Variants in FTCDNL1 observed in about 807,000 individuals in gnomAD.
FTCDNL1 encodes formiminotransferase cyclodeaminase N-terminal like, also known as formiminotransferase N-terminal subdomain-containing protein.
A neutral mutation model predicts 5.9 loss-of-function variants in FTCDNL1; 11 were observed. That is an observed-to-expected ratio of 1.87 (90% confidence interval 1.18 to 3.10). FTCDNL1 has a LOEUF of 3.10. Among genes scored for constraint, FTCDNL1 ranks in the 30% most tolerant of loss-of-function variants. The pLI is 0.00. For synonymous variants in FTCDNL1, 58 were observed against 24.8 expected, an observed-to-expected ratio of 2.34 and a Z score of -3.99; for missense variants, 115 against 65.5, an observed-to-expected ratio of 1.76 and a Z score of -2.61.
At chr2:199,700,676 A>G in the FTCDNL1 span, among the ~76,000 whole-genome samples, 379 of 152,342 alleles carry the variant, frequency 2.5e-3, 1 homozygote, top group Non-Finnish European at 4.0e-3. Flanking sequence ...CCAAAACAGC[A>G]TGGTATTGAT....
At chr2:199,850,710 GC>G (rs2076854346) in intron 1 of FTCDNL1, 29 bp downstream of exon 1, 1 of 152,322 alleles carries the variant, frequency 6.6e-6, no homozygotes, top group Non-Finnish European at 1.5e-5. Context: ...GGAGAACCTA[GC>G]CTAGCAAGTG....
chr2:199,697,472 C>T, the FTCDNL1 span, among the ~76,000 whole-genome samples: 1 of 152,014 alleles, frequency 6.6e-6, no homozygotes, highest in Non-Finnish European at 1.5e-5. Context: ...TGGGGGTCCA[C>T]ATTCAACATT....
chr2:199,690,587 T>C, the FTCDNL1 span, among the ~76,000 whole-genome samples: 1 of 152,238 alleles, frequency 6.6e-6, no homozygotes, highest in Admixed American at 6.5e-5. Context: ...TCAGAGGTGG[T>C]CACTAGCTCC....
intron 4 of FTCDNL1, among the ~76,000 whole-genome samples, chr2:199,815,735 C>T (rs909315327): frequency 6.6e-6 from 1 of 152,138 alleles, no homozygotes; most frequent in Non-Finnish European, 1.5e-5. Flanking sequence ...GGCACAGTGG[C>T]TCATGCCTGT....
chr2:199,791,185 C>T (rs1699907650), intron 3 of FTCDNL1, among the ~76,000 whole-genome samples: 1 of 151,796 alleles, frequency 6.6e-6, no homozygotes, highest in Non-Finnish European at 1.5e-5. Flanking sequence ...TATTTTTGTA[C>T]ATGCATATAT....
downstream of FTCDNL1, among the ~76,000 whole-genome samples, chr2:199,806,312 A>C (rs1375958122): frequency 6.6e-6 from 1 of 152,210 alleles, no homozygotes; most frequent in South Asian, 2.1e-4. Context: ...CTGGATGCTT[A>C]TCAAACAAGT....
intron 3 of FTCDNL1, among the ~76,000 whole-genome samples, chr2:199,785,374 G>A (rs1036429130): frequency 3.0e-4 from 44 of 148,328 alleles, no homozygotes; most frequent in Middle Eastern, 3.7e-3. Flanking sequence ...CAGCCTCTCC[G>A]AGTAGCTGGG....
chr2:199,790,737 G>A (rs184301612), intron 3 of FTCDNL1, among the ~76,000 whole-genome samples: 4 of 152,070 alleles, frequency 2.6e-5, no homozygotes, highest in African/African-American at 9.6e-5. Flanking sequence ...GCAAACTAAA[G>A]TAACAATGAA....
At chr2:199,801,242 A>G (rs908987907) in intron 3 of FTCDNL1, among the ~76,000 whole-genome samples, 1 of 152,186 alleles carries the variant, frequency 6.6e-6, no homozygotes, top group Non-Finnish European at 1.5e-5. Context: ...GGATGTGACT[A>G]TGAACCACAC....
the FTCDNL1 span, among the ~76,000 whole-genome samples, chr2:199,752,097 T>C: frequency 1.3e-5 from 2 of 152,002 alleles, no homozygotes; most frequent in East Asian, 3.9e-4. Flanking sequence ...AGAGCTTCTC[T>C]CTCTCCTTCT....
chr2:199,749,515 C>T, the FTCDNL1 span, among the ~76,000 whole-genome samples: 21 of 146,956 alleles, frequency 1.4e-4, no homozygotes, highest in African/African-American at 4.7e-4. Context: ...AATTAAATCA[C>T]ATACGAAATA....
chr2:199,843,363 G>A (rs2076641918), intron 3 of FTCDNL1, among the ~76,000 whole-genome samples: 1 of 152,158 alleles, frequency 6.6e-6, no homozygotes, highest in African/African-American at 2.4e-5. Context: ...TTGTTTTGAA[G>A]ACAATTAAAA....
intron 3 of FTCDNL1, among the ~76,000 whole-genome samples, chr2:199,831,760 C>A (rs1702386497): frequency 6.6e-6 from 1 of 152,100 alleles, no homozygotes. Context: ...AACTGTAGTA[C>A]TCGAAATTTT....
downstream of FTCDNL1, among the ~76,000 whole-genome samples, chr2:199,759,397 G>A (rs1698184774): frequency 6.6e-6 from 1 of 151,876 alleles, no homozygotes; most frequent in South Asian, 2.1e-4. Context: ...TGCGAGTTAG[G>A]AGATTTGGAT....
chr2:199,719,091 T>G, the FTCDNL1 span, among the ~76,000 whole-genome samples: 2 of 152,186 alleles, frequency 1.3e-5, no homozygotes, highest in African/African-American at 4.8e-5. Context: ...CATTTGTCTT[T>G]GAAGACTTAG....
chr2:199,843,378 T>C (rs962952420), intron 3 of FTCDNL1, among the ~76,000 whole-genome samples: 1 of 152,228 alleles, frequency 6.6e-6, no homozygotes, highest in African/African-American at 2.4e-5. Flanking sequence ...TTAAAATCAT[T>C]ATTCTGGTCT....
chr2:199,664,995 A>G, the FTCDNL1 span, among the ~76,000 whole-genome samples: 1 of 152,232 alleles, frequency 6.6e-6, no homozygotes, highest in African/African-American at 2.4e-5. Context: ...GAATCTGTTT[A>G]AAAGAAAAAT....
the FTCDNL1 span, among the ~76,000 whole-genome samples, chr2:199,736,328 T>C: frequency 1.3e-5 from 2 of 152,196 alleles, no homozygotes; most frequent in Non-Finnish European, 2.9e-5. Context: ...TCCATGAGCT[T>C]CCTTGGATCA....
chr2:199,791,541 GTA>G (rs1699926331), intron 3 of FTCDNL1, among the ~76,000 whole-genome samples: 1 of 152,150 alleles, frequency 6.6e-6, no homozygotes, highest in South Asian at 2.1e-4. Flanking sequence ...AACTTGCAAA[GTA>G]TTTTTGCAGA....
Sources: gnomAD v4.1 joint callset for allele counts (sites outside exome capture counted in the v4.1 genomes callset) on GRCh38, gnomAD v4.1.1 for gene constraint, MANE v1.5 for transcripts, NCBI Gene and HGNC (gene_info 2026-07-23, HGNC 2026-07-21) for gene names.